The following DNTT variants were observed in gnomAD, a reference collection of about 807,000 sequenced individuals.
DNTT encodes the protein DNA nucleotidylexotransferase.
In DNTT, 47 loss-of-function variants were observed where a neutral mutation model predicts 60.9. The observed-to-expected ratio is 0.77, with a 90% CI of 0.61 to 0.98. The LOEUF (loss-of-function observed/expected upper bound fraction) is 0.98. DNTT is among the 50% of genes least tolerant of loss of function. DNTT has a pLI of 0.00. For missense variants in DNTT, 665 were observed against 627.5 expected (o/e 1.06, Z -0.64); for synonymous variants, 224 against 221.2 (o/e 1.01, Z -0.11).
At chr10:96,333,866 C>A (rs1199814724) in intron 9 of DNTT, among the ~76,000 whole-genome samples, 3 of 152,132 alleles carry the variant, frequency 2.0e-5, no homozygotes, top group African/African-American at 7.2e-5. Context: ...TCAACAAGTA[C>A]AAAGTTCCAG....
At chr10:96,312,189 C>G (rs1844727916) in intron 1 of DNTT, among the ~76,000 whole-genome samples, 1 of 152,146 alleles carries the variant, frequency 6.6e-6, no homozygotes, top group African/African-American at 2.4e-5. Flanking sequence ...GAGTGGGAGT[C>G]AAATCTAGGC....
intron 1 of DNTT, among the ~76,000 whole-genome samples, chr10:96,314,362 G>C (rs1365366704): frequency 7.6e-6 from 1 of 132,070 alleles, no homozygotes; most frequent in African/African-American, 2.8e-5. Flanking sequence ...CTAATTATTC[G>C]CTGGGTGAAA....
rs147054012 is a variant in DNTT, at chr10:96,319,302, C to T, written c.419C>T (p.Pro140Leu). The change falls in exon 3 of 11, where the codon CCG becomes CTG. Residue 140 changes from proline to leucine, a missense_variant. Coordinates refer to ENST00000371174, the MANE Select transcript of DNTT (RefSeq NM_004088.4). ...DYSDSTNPGP[P>L]KTPPIAVQKI... ...TCAGATAGCACCAACCCAGGCCCCC[C>T]GAAGACTCCACCAATTGCTGTACAA... is the stretch of plus-strand genomic sequence containing the variant. The T allele has an allele frequency of 3.1e-4, 503 of 1,613,684 alleles. 1 individual carries two copies. Among genetic ancestry groups the T allele is most frequent in the Middle Eastern group, 1.6e-4 (1 of 6,082 alleles).
Position 96,332,332 on chromosome 10 carries a change from C to G in DNTT, c.1114-19C>G. The G allele has an allele frequency of 6.2e-7, 1 of 1,608,948 alleles. No homozygotes were observed. On this transcript the variant is annotated intron_variant, in intron 8 of 10. Transcript: ENST00000371174. ...TCTTCATCAGGGCCTTTTCCTGATGCCATTCTGTTTCTTTTCAGGGATTAC... is the reference window on the plus strand; with the variant it reads ...TCTTCATCAGGGCCTTTTCCTGATGGCATTCTGTTTCTTTTCAGGGATTAC...
chr10:96,315,183 T>G (rs1844773105), intron 1 of DNTT, among the ~76,000 whole-genome samples: 1 of 151,188 alleles, frequency 6.6e-6, no homozygotes, highest in Non-Finnish European at 1.5e-5. Context: ...TTTCTTAAAT[T>G]ATTTGTGGCA....
intron 1 of DNTT, among the ~76,000 whole-genome samples, chr10:96,312,951 T>C (rs938409924): frequency 5.3e-5 from 8 of 151,770 alleles, no homozygotes; most frequent in Non-Finnish European, 8.8e-5. Flanking sequence ...AATCTGGCCA[T>C]GTGCTGGGCT....
chr10:96,319,948 AC>A (rs1422782847), intron 3 of DNTT, among the ~76,000 whole-genome samples: 1 of 152,144 alleles, frequency 6.6e-6, no homozygotes, highest in African/African-American at 2.4e-5. Flanking sequence ...TGGCCCTAAA[AC>A]CCACAACTGC....
At chr10:96,332,046 G>A (rs565185171) in intron 8 of DNTT, among the ~76,000 whole-genome samples, 1 of 152,300 alleles carries the variant, frequency 6.6e-6, no homozygotes, top group East Asian at 1.9e-4. Context: ...GTTTTTAAAG[G>A]ACTGAGGAGA....
chr10:96,328,581 C>T, intron 7 of DNTT, 144 bp from the exon 8 acceptor site: 3 of 696,160 alleles, frequency 4.3e-6, no homozygotes, highest in South Asian at 2.3e-5. Context: ...GATGTGTAAC[C>T]AAGGATATTT....
rs747023911 is a variant in DNTT at position 96,338,225 on chromosome 10, G to A, written c.*1G>A. On this transcript the variant is annotated 3_prime_UTR_variant, in exon 11 of 11. Coordinates refer to ENST00000371174, the MANE Select transcript of DNTT (RefSeq NM_004088.4). ...TGAACCGTGGGAAAGAAATGCCTAG[G>A]AAAGTGTTGTCAACATTTTTTTCCT... The A allele has an allele frequency of 1.9e-6, 3 of 1,603,838 alleles. No individual in the cohort carries two copies. Among genetic ancestry groups the A allele is most frequent in the Non-Finnish European group, 2.5e-6 (3 of 1,177,124 alleles).
At chr10:96,314,830 A>G (rs1844769409) in intron 1 of DNTT, among the ~76,000 whole-genome samples, 1 of 152,182 alleles carries the variant, frequency 6.6e-6, no homozygotes, top group South Asian at 2.1e-4. Flanking sequence ...ATATTCTAAT[A>G]TTGTTAACAT....
chr10:96,316,024 C>T lies in DNTT; in HGVS notation c.204-2328C>T, dbSNP rs77089431. ...TCTCAGCTCTGACCCCAGCCCACAC[C>T]TCTCTCTGAGCACCAACCTCAGATC... is the stretch of plus-strand genomic sequence containing the variant. On this transcript the variant is annotated intron_variant, in intron 1 of 10. Coordinates refer to ENST00000371174, the MANE Select transcript of DNTT (RefSeq NM_004088.4). Among the ~76,000 whole-genome samples, 1,122 of 152,226 alleles carry T rather than the reference C, an allele frequency of 7.4e-3. 10 individuals carry two copies. Among genetic ancestry groups the T allele is most frequent in the African/African-American group, 0.026 (1,084 of 41,530 alleles).
At chr10:96,325,815 A>G (rs905602137) in intron 6 of DNTT, among the ~76,000 whole-genome samples, 2 of 152,238 alleles carry the variant, frequency 1.3e-5, no homozygotes, top group Non-Finnish European at 2.9e-5. Flanking sequence ...AGGGTAAGCT[A>G]ATTGAACATA....
Position 96,304,578 on chromosome 10 carries a change from T to G in DNTT, c.81T>G (p.Pro27=). The change falls in exon 1 of 11, where the codon CCT becomes CCG. Residue 27 remains proline, a synonymous_variant. Coordinates refer to ENST00000371174, the MANE Select transcript of DNTT (RefSeq NM_004088.4). ...RQTGALMASS[P]QDIKFQDLVV... is the part of the protein sequence containing the mutation. The stretch of plus-strand genomic sequence containing the variant: ...CGGGTGCCTTGATGGCCTCCTCTCC[T>G]CAAGACATCAAATTTCAAGATTTGG... The G allele has an allele frequency of 6.2e-7, 1 of 1,614,140 alleles. No homozygotes were observed. The highest frequency in any genetic ancestry group is 8.5e-7 in the Non-Finnish European group (1 of 1,180,014).
At chr10:96,331,907 AG>A (rs1464650227) in intron 8 of DNTT, among the ~76,000 whole-genome samples, 2 of 152,142 alleles carry the variant, frequency 1.3e-5, no homozygotes, top group Non-Finnish European at 2.9e-5. Context: ...CCTCCTGAGT[AG>A]CTGGGACTAT....
intron 9 of DNTT, 79 bp downstream of exon 9, chr10:96,332,675 G>A (rs1845021660): frequency 1.3e-6 from 2 of 1,561,320 alleles, no homozygotes; most frequent in African/African-American, 2.7e-5. Flanking sequence ...CCAGGGGAGA[G>A]ATGACGGCAA....
chr10:96,305,051 G>A (rs12258764), intron 1 of DNTT, among the ~76,000 whole-genome samples: 43,102 of 151,996 alleles, frequency 0.28, 7,743 homozygotes, highest in East Asian at 0.63. Flanking sequence ...AGTATCACTG[G>A]GTTCAACAAA....
intron 9 of DNTT, among the ~76,000 whole-genome samples, chr10:96,334,193 A>T (rs10786278): frequency 0.75 from 113,579 of 152,090 alleles, 45,387 homozygotes; most frequent in East Asian, 0.92. Flanking sequence ...AAGCTCCTGC[A>T]CTGCTTCTTA....
rs748852281 is a variant in DNTT, at chr10:96,324,397, G to T, written c.874+8G>T. On this transcript the variant is annotated splice_region_variant and intron_variant, in intron 6 of 10. Transcript: ENST00000371174. ...CACGAATGCAGAAAGCAGGTAAATT[G>T]TCTCTCCTAAAAGTCATTGTTGCTA... The T allele has an allele frequency of 1.2e-6, 2 of 1,613,586 alleles. No homozygotes were observed. The highest frequency in any genetic ancestry group is 8.5e-7 in the Non-Finnish European group (1 of 1,179,652).
Sources: allele counts gnomAD v4.1 joint callset (sites outside exome capture counted in the v4.1 genomes callset), GRCh38; gene constraint gnomAD v4.1.1; transcripts MANE v1.5; gene names NCBI Gene and HGNC (gene_info 2026-07-23, HGNC 2026-07-21).